Variants in BDH1 observed in about 807,000 individuals in gnomAD.
BDH1 encodes the protein 3-hydroxybutyrate dehydrogenase 1, also known as D-beta-hydroxybutyrate dehydrogenase, mitochondrial.
BDH1 carries 30 observed loss-of-function variants against 33.1 expected under a neutral mutation model. That is an observed-to-expected ratio of 0.91 (90% confidence interval 0.68 to 1.23). The LOEUF (loss-of-function observed/expected upper bound fraction) is 1.23. Ranked by LOEUF, BDH1 falls within the 50% of genes most tolerant of loss-of-function variation. The pLI, the probability that BDH1 is intolerant of heterozygous loss-of-function variation, is 0.00. For synonymous variants in BDH1, 190 were observed against 183.6 expected (o/e 1.03, Z -0.28); for missense variants, 443 against 464.4 (o/e 0.95, Z 0.42).
intron 4 of BDH1, 27 bp from the exon 5 acceptor site, chr3:197,532,549 T>C: frequency 6.3e-7 from 1 of 1,576,414 alleles, no homozygotes; most frequent in Non-Finnish European, 8.7e-7. Context: ...GATTCCATGT[T>C]AGGAACCGGT....
Position 197,522,312 on chromosome 3 carries a change from C to T in BDH1, c.409+328G>A, listed in dbSNP as rs1023771662. On this transcript the variant is annotated intron_variant, in intron 6 of 7. Coordinates refer to ENST00000392379, the MANE Select transcript of BDH1 (RefSeq NM_203314.3). This position sits in a 1 kb window ranked among gnomAD's most constrained non-coding sequence, Gnocchi z 4.8. Reference sequence around the variant, plus strand: ...TATGAGGTCCTGGGGACAGAATGTGCCTTGACCATCTTTGTGTCCCTGGCA... The same window carrying T: ...TATGAGGTCCTGGGGACAGAATGTGTCTTGACCATCTTTGTGTCCCTGGCA... Among the ~76,000 whole-genome samples the T allele has an allele frequency of 3.3e-5, 5 of 152,088 alleles. No individual in the cohort carries two copies. Among genetic ancestry groups the T allele is most frequent in the Admixed American group, 6.5e-5 (1 of 15,282 alleles).
chr3:197,540,844 T>TGGCG (rs1056751762), intron 3 of BDH1, among the ~76,000 whole-genome samples: 1 of 152,128 alleles, frequency 6.6e-6, no homozygotes, highest in African/African-American at 2.4e-5. Context: ...CAACAGTCAA[T>TGGCG]GGCGCATTTC....
chr3:197,561,850 ATATT>A (rs1003221964), intron 1 of BDH1, among the ~76,000 whole-genome samples: 1 of 152,170 alleles, frequency 6.6e-6, no homozygotes, highest in Non-Finnish European at 1.5e-5. Context: ...TAAAAAAAAA[ATATT>A]TATTTCATTT....
intron 2 of BDH1, among the ~76,000 whole-genome samples, chr3:197,548,305 A>G (rs1318451048): frequency 6.6e-6 from 1 of 152,162 alleles, no homozygotes; most frequent in Non-Finnish European, 1.5e-5. Context: ...CTAAGTACTG[A>G]CCAGCTGGCT....
rs780604876 is a variant in BDH1 at position 197,514,282 on chromosome 3, G to A, written c.544C>T (p.Leu182Phe). ...TVRMTKSFLP[L>F]IRRAKGRVVN... is the part of the protein sequence containing the mutation. ...CACTCACCTTTGGCCCTTCGGATGA[G>A]GGGGAGAAAGGATTTCGTCATCCGC... Residue 182 changes from leucine to phenylalanine, a missense_variant, in exon 7 of 8, where the codon CTC becomes TTC. Physicochemically the swap from Leu to Phe is conservative, Grantham distance 22. Transcript: ENST00000392379. The surrounding 1 kb of genome is among the most constrained non-coding windows in gnomAD (Gnocchi z 4.2). 2 of 1,613,210 alleles carry A rather than the reference G, an allele frequency of 1.2e-6. No individual in the cohort carries two copies. Among genetic ancestry groups the A allele is most frequent in the Non-Finnish European group, 1.7e-6 (2 of 1,179,556 alleles).
chr3:197,523,858 C>G lies in BDH1; in HGVS notation c.268-1077G>C, dbSNP rs1713819509. Among the ~76,000 whole-genome samples, 1 of 152,122 alleles carries G rather than the reference C, an allele frequency of 6.6e-6. No homozygotes were observed. The highest frequency in any genetic ancestry group is 1.5e-5 in the Non-Finnish European group (1 of 68,026). ...CACTGTGGGAAGAGATAAGAGGACG[C>G]CACCAGAAGCCATTGGTTGCAGGCA... On this transcript the variant is annotated intron_variant, in intron 5 of 7. Coordinates refer to ENST00000392379, the MANE Select transcript of BDH1 (RefSeq NM_203314.3). This position sits in a 1 kb window ranked among gnomAD's most constrained non-coding sequence, Gnocchi z 4.5.
chr3:197,540,807 A>G (rs1715548917), intron 3 of BDH1, among the ~76,000 whole-genome samples: 1 of 152,196 alleles, frequency 6.6e-6, no homozygotes, highest in Non-Finnish European at 1.5e-5. Flanking sequence ...GTCTGGGTGT[A>G]TTATACCAGG....
At position 197,519,498 on chromosome 3, in the gene BDH1, T is replaced by TA. The variant is rs781300535; in HGVS notation, c.409+3141dup. Among the ~76,000 whole-genome samples, 390 of 130,924 alleles carry TA rather than the reference T, an allele frequency of 3.0e-3. 1 individual carries two copies. In the East Asian group the frequency reaches 0.045, roughly 15 times the overall value. The allele number at this position is 130,924 out of a possible 152,430, so 85.9% of individuals were successfully genotyped here. On this transcript the variant is annotated intron_variant, in intron 6 of 7. Transcript: ENST00000392379. The stretch of plus-strand genomic sequence containing the variant: ...CAACCTTGTGAAACCCCTTCTTTAC[T>TA]AAAAAAAAAAAAAAAATTAGCTGGG...
chr3:197,532,514 G>T lies in BDH1; in HGVS notation c.165C>A (p.Ser55Arg). ...CACAGCCTGTGACCAGGACAGCTTT[G>T]CTGCCAACCTGTTTTACAAGGTCAG... ...TYASAAEPVG[S>R]KAVLVTGCDS... The change falls in exon 5 of 8, where the codon AGC becomes AGA. Residue 55 changes from serine (S) to arginine (R), a missense_variant. Physicochemically the swap from Ser to Arg is moderately radical, Grantham distance 110 (BLOSUM62 -1). Coordinates refer to ENST00000392379, the MANE Select transcript of BDH1 (RefSeq NM_203314.3). 1 of 1,613,862 alleles carries T rather than the reference G, an allele frequency of 6.2e-7. No homozygotes were observed. Among genetic ancestry groups the T allele is most frequent in the Non-Finnish European group, 8.5e-7 (1 of 1,179,764 alleles).
intron 2 of BDH1, among the ~76,000 whole-genome samples, chr3:197,550,072 T>C (rs1187896575): frequency 6.6e-6 from 1 of 151,622 alleles, no homozygotes; most frequent in East Asian, 1.9e-4. Flanking sequence ...TTCCTTGAGG[T>C]CATGCAAACG....
At chr3:197,529,588 T>C (rs954860473) in intron 5 of BDH1, 1 of 152,208 alleles carries the variant, frequency 6.6e-6, no homozygotes, top group Non-Finnish European at 1.5e-5. Flanking sequence ...GAGCAAGAGA[T>C]TGGGAAGACT....
chr3:197,569,367 G>A (rs780228800), intron 1 of BDH1, among the ~76,000 whole-genome samples: 6 of 152,100 alleles, frequency 3.9e-5, no homozygotes, highest in Non-Finnish European at 5.9e-5. Context: ...TTGTTACACA[G>A]AAATTTCATT....
Position 197,521,780 on chromosome 3 carries a change from T to C in BDH1, c.409+860A>G, listed in dbSNP as rs901966447. On this transcript the variant is annotated intron_variant, in intron 6 of 7. Coordinates refer to ENST00000392379, the MANE Select transcript of BDH1 (RefSeq NM_203314.3). The surrounding 1 kb of genome is among the most constrained non-coding windows in gnomAD (Gnocchi z 4.9). ...ACTCCTCGCACCTGACCCTTCCTGT[T>C]TCCCAACACCTACCACCCTAGTTCC... is the stretch of plus-strand genomic sequence containing the variant. Among the ~76,000 whole-genome samples, 1 of 152,132 alleles carries C rather than the reference T, an allele frequency of 6.6e-6. No homozygotes were observed. Among genetic ancestry groups the C allele is most frequent in the African/African-American group, 2.4e-5 (1 of 41,424 alleles).
In BDH1 at chr3:197,510,693, GTGTGTGTGTGTGTGTGTGTGTGTGTACA is replaced by G. The variant is rs1481450438; in HGVS notation, c.*1174_*1201del. The G allele has an allele frequency of 3.2e-5, 3 of 92,936 alleles. No individual in the cohort carries two copies. The highest frequency in any genetic ancestry group is 1.3e-4 in the African/African-American group (3 of 22,660). The allele number at this position is 92,936 out of a possible 1,614,324, so 5.8% of individuals were successfully genotyped here. A position where few individuals can be genotyped will look rare whatever the true frequency, so the allele number is the denominator to read the frequency against. ...GTGTACATGTGTGTAAGGTGTGTGTGTGTGTGTGTGTGTGTGTGTGTGTGTACATGTGTGTAAGCACCACGTGAGGCAA... is the reference window on the plus strand; with the variant it reads ...GTGTACATGTGTGTAAGGTGTGTGTGTGTGTGTAAGCACCACGTGAGGCAA... On this transcript the variant is annotated 3_prime_UTR_variant, in exon 8 of 8. Coordinates refer to ENST00000392379, the MANE Select transcript of BDH1 (RefSeq NM_203314.3).
At chr3:197,531,409 TAAAA>T (rs61663838) in intron 5 of BDH1, among the ~76,000 whole-genome samples, 11,021 of 138,958 alleles carry the variant, frequency 0.079, 500 homozygotes, top group Middle Eastern at 0.11. Context: ...AAACATAAAT[TAAAA>T]AAAAAATATA....
rs1305698860 is a variant in BDH1, at chr3:197,516,616, T to A, written c.410-2200A>T. On this transcript the variant is annotated intron_variant, in intron 6 of 7. Coordinates refer to ENST00000392379, the MANE Select transcript of BDH1 (RefSeq NM_203314.3). The surrounding 1 kb of genome is among the most constrained non-coding windows in gnomAD (Gnocchi z 4.2). ...GTCACGGCTCTCTCTCCTCATCCCA[T>A]CTCCTGTCTCGCTTCCACCTGAATG... 6.6e-6 allele frequency among the ~76,000 whole-genome samples: 1 copy of A among 151,886 alleles called. No homozygotes were observed. The highest frequency in any genetic ancestry group is 2.4e-5 in the African/African-American group (1 of 41,342).
At chr3:197,537,234 C>T (rs932110597) in intron 3 of BDH1, among the ~76,000 whole-genome samples, 1 of 152,176 alleles carries the variant, frequency 6.6e-6, no homozygotes, top group African/African-American at 2.4e-5. Flanking sequence ...AGTGATCCTC[C>T]CACCTCATCC....
In BDH1 at chr3:197,555,942, C is replaced by A. The variant is rs1036636607; in HGVS notation, c.-357G>T. The A allele has an allele frequency of 2.0e-5, 3 of 152,360 alleles. No individual in the cohort carries two copies. The highest frequency in any genetic ancestry group is 1.3e-4 in the Admixed American group (2 of 15,304). 9.4% of individuals were successfully genotyped at this position (152,360 alleles called of 1,614,324 possible). On this transcript the variant is annotated 5_prime_UTR_variant, in exon 1 of 8. Transcript: ENST00000392379. ...CCTCCACCAGCACTCCTGCGGCCTG[C>A]GGCCTCCGCCACCCGGACGCTTCTA...
rs1455476558 is a variant in BDH1, at chr3:197,554,533, A to G, written c.-44+29T>C. The G allele has an allele frequency of 6.6e-6, 1 of 152,240 alleles. No homozygotes were observed. The highest frequency in any genetic ancestry group is 3.2e-3 in the Middle Eastern group (1 of 316). The allele number at this position is 152,240 out of a possible 1,614,324, so 9.4% of individuals were successfully genotyped here. On this transcript the variant is annotated intron_variant, in intron 2 of 7. Transcript: ENST00000392379. This position sits in a 1 kb window ranked among gnomAD's most constrained non-coding sequence, Gnocchi z 4.4. ...ACGCCCTATGCAGAGCCCGGCTCCA[A>G]CGCCTCTTGTAGAAAGAAGGACACT...
Sources: allele counts gnomAD v4.1 joint callset (sites outside exome capture counted in the v4.1 genomes callset), GRCh38; gene constraint gnomAD v4.1.1; non-coding constraint Gnocchi (gnomAD v3.1); transcripts MANE v1.5; gene names NCBI Gene and HGNC (gene_info 2026-07-23, HGNC 2026-07-21).